Variants in BBOF1 observed in about 807,000 individuals in gnomAD.
BBOF1 encodes the protein basal body-orientation factor 1.
In BBOF1, 62 loss-of-function variants were observed where a neutral mutation model predicts 68.0. That is an observed-to-expected ratio of 0.91 (90% CI 0.74 to 1.13). BBOF1 has a LOEUF of 1.13. Ranked by LOEUF, BBOF1 falls within the 50% of genes most tolerant of loss-of-function variation. BBOF1 has a pLI of 0.00. For missense variants in BBOF1, 534 were observed against 600.1 expected, an observed-to-expected ratio of 0.89 and a Z score of 1.15; for synonymous variants, 208 against 198.8, an observed-to-expected ratio of 1.05 and a Z score of -0.39.
rs140308322 is a variant in BBOF1 at position 74,072,578 on chromosome 14, C to T, written n.1380-5618C>T. 1.5e-4 allele frequency: 249 copies of T among 1,613,904 alleles called. No individual in the cohort carries two copies. The African/African-American group carries it at 2.5e-3, about 16-fold the overall frequency. On this transcript the variant is annotated intron_variant and non_coding_transcript_variant, in intron 9 of 12. Coordinates refer to the BBOF1 transcript ENST00000492026. ...ATCCATTTGTCACTTTTGGATTCAA[C>T]GAATTTCCCACCAATGAAGAGCTTT...
intron 4 of BBOF1, among the ~76,000 whole-genome samples, chr14:74,039,778 T>C (rs1337242651): frequency 6.6e-6 from 1 of 152,038 alleles, no homozygotes; most frequent in Admixed American, 6.6e-5. Flanking sequence ...GTAGAATTTA[T>C]GGGTTAATGA....
chr14:74,029,042 T>C (rs1466098778), intron 2 of BBOF1, 142 bp from the exon 3 acceptor site: 8 of 555,984 alleles, frequency 1.4e-5, no homozygotes, highest in Non-Finnish European at 2.6e-5. Context: ...TATGGGAAAT[T>C]TCCTGTCCCC....
At chr14:74,043,854 TGC>T (rs2059890103) in intron 5 of BBOF1, among the ~76,000 whole-genome samples, 1 of 151,934 alleles carries the variant, frequency 6.6e-6, no homozygotes, top group Non-Finnish European at 1.5e-5. Flanking sequence ...ATTTTTATAT[TGC>T]TAGTCCCTCC....
At chr14:74,079,312 T>C (rs1242548286) in intron 10 of BBOF1, among the ~76,000 whole-genome samples, 1 of 151,726 alleles carries the variant, frequency 6.6e-6, no homozygotes, top group Non-Finnish European at 1.5e-5. Context: ...AATGGCGCAA[T>C]CTCGGCTCAC....
At chr14:74,022,549 A>C (rs2059326976) in intron 1 of BBOF1, among the ~76,000 whole-genome samples, 1 of 151,910 alleles carries the variant, frequency 6.6e-6, no homozygotes, top group African/African-American at 2.4e-5. Context: ...CCAGTTTCAA[A>C]AAGAAAAAAA....
chr14:74,024,976 C>T (rs566250483), intron 2 of BBOF1, among the ~76,000 whole-genome samples: 1 of 151,870 alleles, frequency 6.6e-6, no homozygotes, highest in African/African-American at 2.4e-5. Context: ...TGTTGTTGGC[C>T]AGGCTGATCT....
chr14:74,023,248 T>C (rs1417485862), intron 2 of BBOF1, 104 bp downstream of exon 2: 3 of 650,160 alleles, frequency 4.6e-6, no homozygotes, highest in African/African-American at 1.8e-5. Flanking sequence ...TCTTAACATA[T>C]ACTTAAGACA....
At chr14:74,075,120 A>G (rs2060597663) in intron 9 of BBOF1, 1 of 1,029,400 alleles carries the variant, frequency 9.7e-7, no homozygotes, top group South Asian at 1.4e-5. Context: ...TATAGGGGGT[A>G]TGTTTCTCTC....
chr14:74,043,374 C>A (rs765540822), intron 5 of BBOF1, among the ~76,000 whole-genome samples: 1 of 149,268 alleles, frequency 6.7e-6, no homozygotes, highest in African/African-American at 2.5e-5. Flanking sequence ...CAAGGTGAAA[C>A]CCCGTCTCTA....
intron 9 of BBOF1, chr14:74,072,049 AT>A (rs1249606526): frequency 6.3e-7 from 1 of 1,574,890 alleles, no homozygotes; most frequent in African/African-American, 1.4e-5. Flanking sequence ...CAAAGGAAGA[AT>A]AAGACTGGAG....
Position 74,019,447 on chromosome 14 carries a change from A to G in BBOF1, c.-32A>G. On this transcript the variant is annotated 5_prime_UTR_variant, in exon 1 of 12. Transcript: ENST00000394009. The stretch of plus-strand genomic sequence containing the variant: ...TGGCCAGGGCGGCCGCGGCTGGGCA[A>G]CTACGACAGCGGAGCCCCTGGGGAA... 1.9e-6 allele frequency: 3 copies of G among 1,591,384 alleles called. No homozygotes were observed. The highest frequency in any genetic ancestry group is 2.6e-6 in the Non-Finnish European group (3 of 1,169,402).
intron 9 of BBOF1, among the ~76,000 whole-genome samples, chr14:74,073,117 A>AT (rs898457901): frequency 1.3e-5 from 2 of 150,304 alleles, no homozygotes; most frequent in Admixed American, 6.6e-5. Flanking sequence ...TTTATTTTTT[A>AT]TTTTTTTGAG....
rs758646731 is a variant in BBOF1, at chr14:74,064,896, C to G, written c.*197C>G. The G allele has an allele frequency of 6.2e-7, 1 of 1,614,058 alleles. No homozygotes were observed. Among genetic ancestry groups the G allele is most frequent in the Admixed American group, 1.7e-5 (1 of 60,004 alleles). On this transcript the variant is annotated 3_prime_UTR_variant, in exon 12 of 12. Coordinates refer to ENST00000394009, the MANE Select transcript of BBOF1 (RefSeq NM_025057.3). ...GTGAATGAGAACATTGGCAAAGGCA[C>G]TGGAATGGGGACATTCACTCCCACC...
At chr14:74,071,557 G>A (rs1406584528) in intron 9 of BBOF1, 1 of 1,611,570 alleles carries the variant, frequency 6.2e-7, no homozygotes, top group Non-Finnish European at 8.5e-7. Context: ...GCTTTGTCCT[G>A]TTCTCTTCAG....
chr14:74,076,485 C>G (rs2060614465), intron 9 of BBOF1, among the ~76,000 whole-genome samples: 1 of 152,064 alleles, frequency 6.6e-6, no homozygotes, highest in Admixed American at 6.6e-5. Flanking sequence ...CCTCAGCCTG[C>G]CAAGTAGCTC....
intron 5 of BBOF1, among the ~76,000 whole-genome samples, chr14:74,042,618 T>C (rs2059847053): frequency 6.6e-6 from 1 of 152,118 alleles, no homozygotes. Flanking sequence ...CAGAAGCTGT[T>C]AGCACATTTC....
At chr14:74,069,431 G>C (rs114032610), downstream of BBOF1, among the ~76,000 whole-genome samples, 884 of 151,990 alleles carry the variant, frequency 5.8e-3, 9 homozygotes, top group African/African-American at 0.02. Context: ...TTCTCATTGT[G>C]AAGTTCTCTC....
At chr14:74,063,551 G>A (rs573024844) in intron 11 of BBOF1, among the ~76,000 whole-genome samples, 2 of 151,700 alleles carry the variant, frequency 1.3e-5, no homozygotes, top group South Asian at 2.1e-4. Flanking sequence ...CATTTTATAC[G>A]TGAATAAATT....
At chr14:74,056,704 G>T in intron 9 of BBOF1, 1 of 502,488 alleles carries the variant, frequency 2.0e-6, no homozygotes, top group Non-Finnish European at 3.5e-6. Context: ...TACTTGAAGG[G>T]ATGGATACTT....
Sources: gnomAD v4.1 joint callset for allele counts (sites outside exome capture counted in the v4.1 genomes callset) on GRCh38, gnomAD v4.1.1 for gene constraint, MANE v1.5 for transcripts, NCBI Gene and HGNC (gene_info 2026-07-23, HGNC 2026-07-21) for gene names.